ZNF8: variants seen among roughly 807,000 people sequenced by gnomAD.
ZNF8 encodes the protein zinc finger protein 8.
Under a neutral mutation model 12.2 loss-of-function variants are expected in ZNF8, and 9 were observed. That is an observed-to-expected ratio of 0.73 (90% CI 0.44 to 1.28). The LOEUF (loss-of-function observed/expected upper bound fraction) is 1.28, where lower values mean the gene tolerates loss of function less well. ZNF8 is among the 50% of genes most tolerant of loss of function. The probability of loss-of-function intolerance (pLI) is 0.00; values close to 1 mark genes in which losing one functional copy is unlikely to be tolerated. For missense variants in ZNF8, 664 were observed against 729.1 expected, an observed-to-expected ratio of 0.91 and a Z score of 1.03; for synonymous variants, 274 against 282.3, an observed-to-expected ratio of 0.97 and a Z score of 0.30.
chr19:58,302,354 C>T lies in ZNF8; in HGVS notation c.*6818C>T, dbSNP rs28757810. ...TTTAGCCATCCATAGATGGTCCTTA[C>T]CATTAGGATTTTACTAATTTTCCTT... On this transcript the variant is annotated 3_prime_UTR_variant, in exon 4 of 4. Transcript: ENST00000621650. The T allele has an allele frequency of 6.6e-6, 1 of 151,984 alleles. No homozygotes were observed. The highest frequency in any genetic ancestry group is 2.4e-5 in the African/African-American group (1 of 41,366). The allele number at this position is 151,984 out of a possible 1,614,324, so 9.4% of individuals were successfully genotyped here. A position where few individuals can be genotyped will look rare whatever the true frequency, so the allele number is the denominator to read the frequency against.
rs1157071732 is a variant in ZNF8, at chr19:58,292,507, A to G, written c.290-1591A>G. On this transcript the variant is annotated intron_variant, in intron 3 of 3. Transcript: ENST00000621650. ...TCACCTCCCAAAGGCCTCATCTCCA[A>G]ATACCCTCACAATGGGGATTAGGGT... is the stretch of plus-strand genomic sequence containing the variant. Among the ~76,000 whole-genome samples the G allele has an allele frequency of 2.0e-5, 3 of 152,158 alleles. No individual in the cohort carries two copies. The East Asian group carries it at 5.8e-4, about 29-fold the overall frequency.
chr19:58,295,294 C>T lies in ZNF8; in HGVS notation c.1486C>T (p.His496Tyr). 5 of 1,614,238 alleles carry T rather than the reference C, an allele frequency of 3.1e-6. No homozygotes were observed. In the East Asian group the frequency reaches 6.7e-5, roughly 22 times the overall value. ...QITHTREEQPHGRSRRREQSS... is the reference protein window; with the variant it reads ...QITHTREEQPYGRSRRREQSS... ...AACTCACACCAGAGAGGAGCAGCCC[C>T]ATGGGCGAAGCCGGCGGCGTGAACA... Residue 496 changes from histidine (H) to tyrosine (Y), a missense_variant, in exon 4 of 4, where the codon CAT (histidine) becomes TAT (tyrosine). Physicochemically the swap from His to Tyr is moderately conservative, Grantham distance 83. Coordinates refer to ENST00000621650, the MANE Select transcript of ZNF8 (RefSeq NM_021089.3).
intron 3 of ZNF8, among the ~76,000 whole-genome samples, chr19:58,289,261 C>T (rs1404319803): frequency 2.2e-4 from 34 of 152,118 alleles, no homozygotes; most frequent in Admixed American, 2.2e-3. Context: ...TTTGGGAGGC[C>T]AGGGCAGACG....
At chr19:58,287,093 G>A (rs922095511) in intron 3 of ZNF8, among the ~76,000 whole-genome samples, 2 of 152,168 alleles carry the variant, frequency 1.3e-5, no homozygotes, top group African/African-American at 2.4e-5. Context: ...AGGCTGGAGT[G>A]CAGTGGCGTA....
chr19:58,279,440 C>T, intron 1 of ZNF8: 1 of 1,451,598 alleles, frequency 6.9e-7, no homozygotes, highest in South Asian at 1.4e-5. Flanking sequence ...CTCCTGCGTT[C>T]TGCTCCGCCC....
chr19:58,280,666 T>C (rs914856593), intron 1 of ZNF8: 1 of 152,262 alleles, frequency 6.6e-6, no homozygotes, highest in African/African-American at 2.4e-5. Context: ...ACAAATTTTG[T>C]GGCTTAAAAC....
chr19:58,300,825 A>G lies in ZNF8; in HGVS notation c.*5289A>G, dbSNP rs117945881. 805 of 152,650 alleles carry G rather than the reference A, an allele frequency of 5.3e-3. 3 individuals carry two copies. Among genetic ancestry groups the G allele is most frequent in the Non-Finnish European group, 8.4e-3 (575 of 68,370 alleles). The allele number at this position is 152,650 out of a possible 1,614,324, so 9.5% of individuals were successfully genotyped here. On this transcript the variant is annotated 3_prime_UTR_variant, in exon 4 of 4. Coordinates refer to ENST00000621650, the MANE Select transcript of ZNF8 (RefSeq NM_021089.3). Reference sequence around the variant, plus strand: ...CCACTGCTTCACAGAACCCACTGCAACCACTGTCCAAGGTACTACCTCTGG... The same window carrying G: ...CCACTGCTTCACAGAACCCACTGCAGCCACTGTCCAAGGTACTACCTCTGG...
chr19:58,291,163 A>G (rs1281134636), intron 3 of ZNF8, among the ~76,000 whole-genome samples: 1 of 152,174 alleles, frequency 6.6e-6, no homozygotes, highest in African/African-American at 2.4e-5. Context: ...CTCGTCTGGC[A>G]TCATTCCTTA....
rs142227564 is a variant in ZNF8 at position 58,295,297 on chromosome 19, G to T, written c.1489G>T (p.Gly497Trp). 3.0e-5 allele frequency: 49 copies of T among 1,614,200 alleles called. No homozygotes were observed. The Middle Eastern group carries it at 9.9e-4, about 33-fold the overall frequency. The stretch of plus-strand genomic sequence containing the variant: ...TCACACCAGAGAGGAGCAGCCCCAT[G>T]GGCGAAGCCGGCGGCGTGAACAATC... ...ITHTREEQPH[G>W]RSRRREQSSS... is the part of the protein sequence containing the mutation. The change falls in exon 4 of 4, where the codon GGG becomes TGG. Residue 497 changes from glycine to tryptophan, a missense_variant. Coordinates refer to ENST00000621650, the MANE Select transcript of ZNF8 (RefSeq NM_021089.3).
chr19:58,293,380 T>G (rs1408186928), intron 3 of ZNF8, among the ~76,000 whole-genome samples: 1 of 152,200 alleles, frequency 6.6e-6, no homozygotes, highest in Non-Finnish European at 1.5e-5. Context: ...CACTGAGAGA[T>G]ATTTTTGAGC....
rs199650297 is a variant in ZNF8, at chr19:58,295,312, C to T, written c.1504C>T (p.Arg502Cys). 4.2e-5 allele frequency: 67 copies of T among 1,614,202 alleles called. No homozygotes were observed. The highest frequency in any genetic ancestry group is 6.7e-5 in the Admixed American group (4 of 60,024). ...EEQPHGRSRR[R>C]EQSSSRNSHL... ...GCAGCCCCATGGGCGAAGCCGGCGG[C>T]GTGAACAATCCTCGAGCAGGAACTC... The change falls in exon 4 of 4, where the codon CGT (arginine) becomes TGT (cysteine). Residue 502 changes from arginine to cysteine, a missense_variant. This residue lies in a region of ZNF8 where 225 missense variants were observed against 222.0 expected (regional missense o/e 1.01). Coordinates refer to ENST00000621650, the MANE Select transcript of ZNF8 (RefSeq NM_021089.3).
rs2051458273 is a variant in ZNF8, at chr19:58,296,786, T to A, written c.*1250T>A. 1 of 152,342 alleles carries A rather than the reference T, an allele frequency of 6.6e-6. No individual in the cohort carries two copies. The highest frequency in any genetic ancestry group is 1.5e-5 in the Non-Finnish European group (1 of 68,250). The allele number at this position is 152,342 out of a possible 1,614,324, so 9.4% of individuals were successfully genotyped here. A position where few individuals can be genotyped will look rare whatever the true frequency, so the allele number is the denominator to read the frequency against. ...TGTGCCTGGAGGAAGGGTGCCGCCG[T>A]CATGTAGTGGGTAGAGGCCAGGGAC... On this transcript the variant is annotated 3_prime_UTR_variant, in exon 4 of 4. Coordinates refer to ENST00000621650, the MANE Select transcript of ZNF8 (RefSeq NM_021089.3).
In ZNF8 at chr19:58,279,179, G is replaced by A. The variant is rs778367389; in HGVS notation, c.66+32G>A. ...ATAACAACAATAACGACGGCGGCGGGCTCCGGGCAAGCGTCTCCCGCGCAG... is the reference window on the plus strand; with the variant it reads ...ATAACAACAATAACGACGGCGGCGGACTCCGGGCAAGCGTCTCCCGCGCAG... On this transcript the variant is annotated intron_variant, in intron 1 of 3. Transcript: ENST00000621650. 4.5e-6 allele frequency: 7 copies of A among 1,545,912 alleles called. No individual in the cohort carries two copies. The South Asian group carries it at 8.3e-5, about 18-fold the overall frequency.
intron 3 of ZNF8, among the ~76,000 whole-genome samples, chr19:58,288,491 T>G (rs2051398206): frequency 3.3e-5 from 5 of 152,160 alleles, no homozygotes; most frequent in Admixed American, 3.3e-4. Flanking sequence ...TTGGCAGAAC[T>G]CTAGATGTCA....
chr19:58,294,329 A>C lies in ZNF8; in HGVS notation c.521A>C (p.Lys174Thr). 6.2e-7 allele frequency: 1 copy of C among 1,614,188 alleles called. No individual in the cohort carries two copies. Residue 174 changes from lysine to threonine, a missense_variant, in exon 4 of 4, where the codon AAA becomes ACA. Physicochemically the swap from Lys to Thr is moderately conservative, Grantham distance 78. Around this residue, in one of 3 missense-constraint regions of ZNF8, gnomAD observed 306 missense variants for 308.7 expected, o/e 0.99. Transcript: ENST00000621650. This position sits in a 1 kb window ranked among gnomAD's most constrained non-coding sequence, Gnocchi z 5.5. ...GCACCAGTTCAAGATCAAGGCTACA[A>C]AACTCTCAGACTCAGGGAAAACTGC... is the stretch of plus-strand genomic sequence containing the variant. The part of the protein sequence containing the change: ...KEAPVQDQGY[K>T]TLRLRENCVL...
intron 1 of ZNF8, among the ~76,000 whole-genome samples, chr19:58,284,737 T>C (rs1017237306): frequency 6.6e-6 from 1 of 152,052 alleles, no homozygotes; most frequent in African/African-American, 2.4e-5. Flanking sequence ...TAGTCCCAGC[T>C]ACTACGGAGG....
intron 1 of ZNF8, chr19:58,279,386 C>G: frequency 6.9e-7 from 1 of 1,451,110 alleles, no homozygotes. Flanking sequence ...CTGTCCTCCC[C>G]AGGGCTGGGG....
chr19:58,295,045 G>A lies in ZNF8; in HGVS notation c.1237G>A (p.Ala413Thr). Reference sequence around the variant, plus strand: ...GGGCTTCAGGCACAGCTCATCCCTGGCCCAGCACCAGCGGAAGCACGCGGG... The same window carrying A: ...GGGCTTCAGGCACAGCTCATCCCTGACCCAGCACCAGCGGAAGCACGCGGG... ...GKGFRHSSSL[A>T]QHQRKHAGEK... Residue 413 changes from alanine (A) to threonine (T), a missense_variant, in exon 4 of 4, where the codon GCC becomes ACC. By Grantham distance (58) the Ala-to-Thr change is moderately conservative. Coordinates refer to ENST00000621650, the MANE Select transcript of ZNF8 (RefSeq NM_021089.3). The A allele has an allele frequency of 1.9e-6, 3 of 1,614,050 alleles. No individual in the cohort carries two copies. Among genetic ancestry groups the A allele is most frequent in the Non-Finnish European group, 2.5e-6 (3 of 1,179,968 alleles).
chr19:58,292,237 C>T (rs551248682), intron 3 of ZNF8, among the ~76,000 whole-genome samples: 2 of 152,148 alleles, frequency 1.3e-5, no homozygotes, highest in African/African-American at 4.8e-5. Flanking sequence ...CTTGGGGTAC[C>T]GTGACAAAAT....
Sources: gnomAD v4.1 joint callset for allele counts (sites outside exome capture counted in the v4.1 genomes callset) on GRCh38, gnomAD v4.1.1 for gene constraint, gnomAD v4.1.1 regional missense constraint, Gnocchi (gnomAD v3.1) non-coding constraint, MANE v1.5 for transcripts, NCBI Gene and HGNC (gene_info 2026-07-23, HGNC 2026-07-21) for gene names.